ROBO2: variants seen among roughly 807,000 people sequenced by gnomAD.
ROBO2 encodes the protein roundabout guidance receptor 2.
A neutral mutation model predicts 160.8 loss-of-function variants in ROBO2; 53 were observed. The observed-to-expected ratio is 0.33, with a 90% CI of 0.26 to 0.41. The LOEUF (loss-of-function observed/expected upper bound fraction) is 0.41. ROBO2 is among the 10% of genes least tolerant of loss of function. ROBO2 has a pLI of 1.00. For missense variants in ROBO2, 1,577 were observed against 1,722.4 expected (o/e 0.92, Z 1.49); for synonymous variants, 664 against 611.7 (o/e 1.09, Z -1.26).
At chr3:76,868,240 C>G (rs2071591924) in intron 2 of ROBO2, among the ~76,000 whole-genome samples, 1 of 152,144 alleles carries the variant, frequency 6.6e-6, no homozygotes, top group African/African-American at 2.4e-5. Context: ...CCTGAAACAC[C>G]TACAGTTCTT....
intron 2 of ROBO2, among the ~76,000 whole-genome samples, chr3:77,124,278 T>G (rs368464486): frequency 6.6e-6 from 1 of 152,004 alleles, no homozygotes; most frequent in South Asian, 2.1e-4. Flanking sequence ...TGGAACAAAA[T>G]TTGAAAAATT....
chr3:76,647,724 G>T (rs1287689450), intron 2 of ROBO2, among the ~76,000 whole-genome samples: 1 of 151,940 alleles, frequency 6.6e-6, no homozygotes, highest in African/African-American at 2.4e-5. Flanking sequence ...GAAAAGAATC[G>T]CCTGTCTGGG....
At position 77,565,064 on chromosome 3, in the gene ROBO2, T is replaced by C. The variant is rs185792666; in HGVS notation, c.1793T>C (p.Ile598Thr). ...ATCTACTTATTCATGGTCAGAGCGA[T>C]CAACCCCCAAGGTCTCAGTGACCCA... The change falls in exon 12 of 26, where the codon ATC becomes ACC. Residue 598 changes from isoleucine to threonine, a missense_variant. By Grantham distance (89) the Ile-to-Thr change is moderately conservative (BLOSUM62 -1). Transcript: ENST00000461745. 7,057 of 1,613,730 alleles carry C rather than the reference T, an allele frequency of 4.4e-3. 24 individuals are homozygous for C. Among genetic ancestry groups the C allele is most frequent in the Admixed American group, 5.7e-3 (343 of 59,940 alleles).
intron 2 of ROBO2, among the ~76,000 whole-genome samples, chr3:76,143,091 A>G (rs1382647820): frequency 1.3e-5 from 2 of 151,654 alleles, no homozygotes; most frequent in African/African-American, 4.9e-5. Flanking sequence ...CAATGGCACA[A>G]TCTTAGCTCA....
intron 2 of ROBO2, among the ~76,000 whole-genome samples, chr3:76,342,365 A>G (rs2074280348): frequency 6.6e-6 from 1 of 152,156 alleles, no homozygotes. Context: ...AACATCATCA[A>G]CATACACATG....
At chr3:76,223,559 C>T (rs1320605802) in intron 2 of ROBO2, among the ~76,000 whole-genome samples, 1 of 152,114 alleles carries the variant, frequency 6.6e-6, no homozygotes, top group Non-Finnish European at 1.5e-5. Flanking sequence ...CATCCCCATC[C>T]CAGCTTATAG....
At chr3:76,852,088 C>A (rs925540109) in intron 2 of ROBO2, among the ~76,000 whole-genome samples, 1 of 152,144 alleles carries the variant, frequency 6.6e-6, no homozygotes, top group Non-Finnish European at 1.5e-5. Context: ...TCAAATGAGT[C>A]AGTAAAACCG....
At chr3:77,251,290 G>C (rs1039805548) in intron 2 of ROBO2, among the ~76,000 whole-genome samples, 1 of 152,122 alleles carries the variant, frequency 6.6e-6, no homozygotes, top group African/African-American at 2.4e-5. Flanking sequence ...AAGGTTTTCA[G>C]CTTGTATCTT....
intron 2 of ROBO2, among the ~76,000 whole-genome samples, chr3:76,930,227 G>A (rs558695515): frequency 6.6e-6 from 1 of 151,916 alleles, no homozygotes; most frequent in African/African-American, 2.4e-5. Flanking sequence ...GGCTGGTCTC[G>A]AACTCCTGGC....
At chr3:77,633,934 A>G (rs2153715156) in intron 23 of ROBO2, 1 of 152,354 alleles carries the variant, frequency 6.6e-6, no homozygotes. Flanking sequence ...GCTAATAGCT[A>G]ACACAGCATT....
At chr3:77,408,605 A>G (rs1261784763) in intron 2 of ROBO2, among the ~76,000 whole-genome samples, 1 of 152,200 alleles carries the variant, frequency 6.6e-6, no homozygotes, top group East Asian at 1.9e-4. Flanking sequence ...ACTGGGACTA[A>G]TAATTCTATT....
rs1016829840 is a variant in ROBO2 at position 77,566,335 on chromosome 3, G to C, written c.1849+1215G>C. On this transcript the variant is annotated intron_variant, in intron 12 of 25. Coordinates refer to ENST00000461745, the Ensembl canonical transcript of ROBO2. ...TAAAGGGCCTGTAGGTAAAGAACCT[G>C]TCTCTTGAGAAAGAAAAAGCACAAC... is the stretch of plus-strand genomic sequence containing the variant. Among the ~76,000 whole-genome samples, 5 of 152,016 alleles carry C rather than the reference G, an allele frequency of 3.3e-5. No individual in the cohort carries two copies. The South Asian group carries it at 8.3e-4, about 25-fold the overall frequency.
chr3:76,194,243 T>A (rs2107199744), intron 2 of ROBO2, among the ~76,000 whole-genome samples: 1 of 150,834 alleles, frequency 6.6e-6, no homozygotes, highest in African/African-American at 2.4e-5. Flanking sequence ...TAAAGAATAT[T>A]TTCCTAATTT....
At chr3:76,914,270 TTACA>T (rs2076177304) in intron 2 of ROBO2, among the ~76,000 whole-genome samples, 1 of 152,108 alleles carries the variant, frequency 6.6e-6, no homozygotes, top group African/African-American at 2.4e-5. Context: ...GTTATCAGCA[TTACA>T]TAGATTTCCC....
chr3:76,580,810 CT>C (rs779789952), intron 2 of ROBO2, among the ~76,000 whole-genome samples: 6 of 151,876 alleles, frequency 4.0e-5, no homozygotes, highest in Non-Finnish European at 7.4e-5. Flanking sequence ...AAGAAGTAAC[CT>C]TTTTTTTCCA....
chr3:77,223,349 G>A lies in ROBO2; in HGVS notation c.388+125009G>A, dbSNP rs138588792. Among the ~76,000 whole-genome samples the A allele has an allele frequency of 1.1e-3, 172 of 152,114 alleles. 1 individual carries two copies. Among genetic ancestry groups the A allele is most frequent in the African/African-American group, 3.9e-3 (162 of 41,534 alleles). On this transcript the variant is annotated intron_variant, in intron 2 of 25. Coordinates refer to ENST00000461745, the Ensembl canonical transcript of ROBO2. The stretch of plus-strand genomic sequence containing the variant: ...TGTGTGCAAAATAGTTACATTTAAC[G>A]GATATTGAAACTAAATATGGTTAAC...
chr3:77,145,933 G>A (rs2077086192), intron 2 of ROBO2, among the ~76,000 whole-genome samples: 1 of 152,142 alleles, frequency 6.6e-6, no homozygotes, highest in African/African-American at 2.4e-5. Context: ...AGGTGATGCT[G>A]TCATGCTCTT....
At chr3:76,138,996 G>T (rs1340447064) in intron 2 of ROBO2, among the ~76,000 whole-genome samples, 1 of 152,082 alleles carries the variant, frequency 6.6e-6, no homozygotes, top group African/African-American at 2.4e-5. Flanking sequence ...GAATGTTTTG[G>T]CAAGAAATGA....
intron 2 of ROBO2, among the ~76,000 whole-genome samples, chr3:76,750,486 A>C (rs2093965447): frequency 6.6e-6 from 1 of 152,172 alleles, no homozygotes; most frequent in Non-Finnish European, 1.5e-5. Context: ...GTATTCAATT[A>C]GGAAAAGAGG....
Sources: gnomAD v4.1 joint callset for allele counts (sites outside exome capture counted in the v4.1 genomes callset) on GRCh38, gnomAD v4.1.1 for gene constraint, MANE v1.5 for transcripts, NCBI Gene and HGNC (gene_info 2026-07-23, HGNC 2026-07-21) for gene names.